The following ZPBP variants were observed in gnomAD, a reference collection of about 807,000 sequenced individuals.
The protein encoded by ZPBP is zona pellucida-binding protein 1.
In ZPBP, 26 loss-of-function variants were observed where a neutral mutation model predicts 44.8. The ratio of observed to expected loss-of-function variants is 0.58; its 90% CI spans 0.43 to 0.81. The LOEUF is 0.81. ZPBP is among the 30% of genes least tolerant of loss of function. The pLI is 0.00. For missense variants in ZPBP, 409 were observed against 434.0 expected (o/e 0.94, Z 0.51); for synonymous variants, 174 against 153.2 (o/e 1.14, Z -1.00).
intron 4 of ZPBP, chr7:50,056,239 G>A (rs902440426): frequency 7.9e-5 from 12 of 152,272 alleles, no homozygotes; most frequent in Admixed American, 7.8e-4. Flanking sequence ...CAAAAATCAA[G>A]CTGTATTCAT....
chr7:50,070,092 C>T (rs760673707), intron 3 of ZPBP, among the ~76,000 whole-genome samples: 6 of 152,268 alleles, frequency 3.9e-5, no homozygotes, highest in Non-Finnish European at 5.9e-5. Flanking sequence ...CACATACACA[C>T]AACACTCCTA....
intron 5 of ZPBP, 40 bp from the exon 6 acceptor site, chr7:50,018,356 TTC>T: frequency 1.4e-6 from 2 of 1,379,404 alleles, no homozygotes; most frequent in Non-Finnish European, 2.0e-6. Flanking sequence ...GTATAATGTA[TTC>T]TGTCACAATA....
chr7:49,943,358 A>G (rs1794967277), intron 7 of ZPBP: 1 of 340,838 alleles, frequency 2.9e-6, no homozygotes. Flanking sequence ...TGAACAGTCA[A>G]TGAAGCATAA....
chr7:49,997,565 G>A (rs1335513890), intron 6 of ZPBP, among the ~76,000 whole-genome samples: 2 of 152,188 alleles, frequency 1.3e-5, no homozygotes, highest in Non-Finnish European at 2.9e-5. Context: ...GAAGTAAAGG[G>A]AGGTATTAGT....
At chr7:49,956,101 CAA>C (rs1000835255) in intron 7 of ZPBP, among the ~76,000 whole-genome samples, 2 of 152,004 alleles carry the variant, frequency 1.3e-5, no homozygotes, top group African/African-American at 4.8e-5. Context: ...CTCTAAAAAG[CAA>C]AGAGATTAAA....
intron 2 of ZPBP, among the ~76,000 whole-genome samples, chr7:49,886,625 C>T (rs893715796): frequency 6.6e-6 from 1 of 151,992 alleles, no homozygotes; most frequent in Non-Finnish European, 1.5e-5. Context: ...ACTTTAGGTT[C>T]AGGGGTACAT....
At chr7:50,062,291 C>T (rs1801282917) in intron 3 of ZPBP, among the ~76,000 whole-genome samples, 1 of 152,092 alleles carries the variant, frequency 6.6e-6, no homozygotes, top group African/African-American at 2.4e-5. Flanking sequence ...ATCAAATTAC[C>T]AGTGAAATTT....
At chr7:50,019,210 T>C (rs1358556278) in intron 5 of ZPBP, among the ~76,000 whole-genome samples, 4 of 152,108 alleles carry the variant, frequency 2.6e-5, no homozygotes, top group Admixed American at 6.6e-5. Context: ...AAAATCTCTA[T>C]AATTTATCTA....
chr7:50,018,194 G>A, intron 6 of ZPBP, 46 bp downstream of exon 6: 1 of 1,442,286 alleles, frequency 6.9e-7, no homozygotes, highest in South Asian at 1.1e-5. Flanking sequence ...CATGGGGCAT[G>A]TTCATTTAAC....
At chr7:49,959,265 C>CA (rs60383665) in intron 7 of ZPBP, among the ~76,000 whole-genome samples, 136,638 of 142,084 alleles carry the variant, frequency 0.96, 65,685 homozygotes, top group East Asian at 0.98. Context: ...TAAAGCAAGC[C>CA]AAAAAAAAAA....
At chr7:50,085,443 C>G (rs1303392148) in intron 2 of ZPBP, among the ~76,000 whole-genome samples, 1 of 152,048 alleles carries the variant, frequency 6.6e-6, no homozygotes, top group East Asian at 1.9e-4. Flanking sequence ...ATTCCCATGC[C>G]TCCTTCTCCA....
At chr7:49,858,770 G>A (rs1359888376) in intron 2 of ZPBP, among the ~76,000 whole-genome samples, 1 of 152,032 alleles carries the variant, frequency 6.6e-6, no homozygotes, top group Non-Finnish European at 1.5e-5. Context: ...TTTACCTTCA[G>A]TTTTGTTACT....
At chr7:49,959,685 C>G (rs575557788) in intron 7 of ZPBP, among the ~76,000 whole-genome samples, 2 of 152,172 alleles carry the variant, frequency 1.3e-5, no homozygotes, top group Admixed American at 1.3e-4. Context: ...TTAATTTTGT[C>G]TTTAGAGTCA....
At chr7:50,081,724 C>T (rs1207918495) in intron 3 of ZPBP, 50 bp downstream of exon 3, 3 of 1,598,256 alleles carry the variant, frequency 1.9e-6, no homozygotes, top group Admixed American at 1.7e-5. Flanking sequence ...TTGTGTTGCA[C>T]ACAATTCAGA....
chr7:50,014,084 A>C (rs921360384), intron 6 of ZPBP, among the ~76,000 whole-genome samples: 3 of 152,058 alleles, frequency 2.0e-5, no homozygotes, highest in Non-Finnish European at 2.9e-5. Flanking sequence ...TATATTATTC[A>C]TCTCCAAATA....
intron 2 of ZPBP, among the ~76,000 whole-genome samples, chr7:49,894,631 T>G (rs1364679398): frequency 6.6e-6 from 1 of 152,162 alleles, no homozygotes; most frequent in East Asian, 1.9e-4. Flanking sequence ...GACCCTAGGG[T>G]GAGGCTGCAG....
downstream of ZPBP, among the ~76,000 whole-genome samples, chr7:49,849,095 G>A (rs923863951): frequency 4.6e-5 from 7 of 152,136 alleles, no homozygotes; most frequent in Admixed American, 4.6e-4. Flanking sequence ...TTGTCCTACT[G>A]TACTGTATTT....
At chr7:49,998,049 C>T (rs764458133) in intron 6 of ZPBP, among the ~76,000 whole-genome samples, 1 of 152,162 alleles carries the variant, frequency 6.6e-6, no homozygotes, top group Non-Finnish European at 1.5e-5. Context: ...TCCCAAGCAG[C>T]TGGGACTACA....
chr7:49,897,076 T>C (rs570947702), intron 2 of ZPBP, among the ~76,000 whole-genome samples: 355 of 152,000 alleles, frequency 2.3e-3, no homozygotes, highest in South Asian at 8.8e-3. Flanking sequence ...TTTGTATTTT[T>C]AGTAGAGACG....
Sources: gnomAD v4.1 joint callset for allele counts (sites outside exome capture counted in the v4.1 genomes callset) on GRCh38, gnomAD v4.1.1 for gene constraint, MANE v1.5 for transcripts, NCBI Gene and HGNC (gene_info 2026-07-23, HGNC 2026-07-21) for gene names.